TENM3: variants seen among roughly 807,000 people sequenced by gnomAD.
TENM3 encodes teneurin-3.
In TENM3, 63 loss-of-function variants were observed where a neutral mutation model predicts 255.1. The observed-to-expected ratio is 0.25, with a 90% CI of 0.20 to 0.30. The LOEUF is 0.30. Ranked by LOEUF, TENM3 falls within the 10% of genes least tolerant of loss-of-function variation. The probability of loss-of-function intolerance (pLI) is 1.00; values close to 1 mark genes in which losing one functional copy is unlikely to be tolerated. For synonymous variants in TENM3, 1,306 were observed against 1,322.3 expected (o/e 0.99, Z 0.27); for missense variants, 2,929 against 3,461.1 (o/e 0.85, Z 3.86).
chr4:182,035,034 TCA>T, the TENM3 span, among the ~76,000 whole-genome samples: 2 of 152,152 alleles, frequency 1.3e-5, no homozygotes, highest in Non-Finnish European at 2.9e-5. Flanking sequence ...AGTCTTAGGT[TCA>T]GTCTTTTACA....
the TENM3 span, among the ~76,000 whole-genome samples, chr4:181,937,003 G>A: frequency 4.7e-4 from 71 of 152,222 alleles, no homozygotes; most frequent in Non-Finnish European, 8.7e-4. Context: ...AACAAGTGGG[G>A]AGAATGCCAT....
the TENM3 span, among the ~76,000 whole-genome samples, chr4:181,467,763 T>C: frequency 6.6e-6 from 1 of 152,134 alleles, no homozygotes; most frequent in Non-Finnish European, 1.5e-5. Flanking sequence ...AGCATTGATA[T>C]ATATTTAAAA....
At chr4:182,571,530 A>C (rs1744368216) in intron 3 of TENM3, among the ~76,000 whole-genome samples, 1 of 152,082 alleles carries the variant, frequency 6.6e-6, no homozygotes. Context: ...TGCCCCACAC[A>C]TGCACACCCT....
chr4:182,011,536 C>T, the TENM3 span, among the ~76,000 whole-genome samples: 1 of 152,196 alleles, frequency 6.6e-6, no homozygotes, highest in South Asian at 2.1e-4. Context: ...GCCTACACTT[C>T]TTGATGACTC....
At chr4:182,167,718 A>G (rs1751813154) in intron 1 of TENM3, among the ~76,000 whole-genome samples, 1 of 152,012 alleles carries the variant, frequency 6.6e-6, no homozygotes. Context: ...ACAAAATACA[A>G]AAAAAACATT....
chr4:181,937,398 A>C, the TENM3 span, among the ~76,000 whole-genome samples: 6 of 152,202 alleles, frequency 3.9e-5, no homozygotes, highest in Non-Finnish European at 7.3e-5. Context: ...CTTCTGCAAG[A>C]AGATGATTCC....
the TENM3 span, among the ~76,000 whole-genome samples, chr4:182,045,187 C>T: frequency 1.3e-5 from 2 of 152,138 alleles, no homozygotes; most frequent in Non-Finnish European, 2.9e-5. Context: ...GCAGGGCCAT[C>T]TCTGAGCCTG....
At chr4:181,703,896 C>T in the TENM3 span, among the ~76,000 whole-genome samples, 1 of 151,972 alleles carries the variant, frequency 6.6e-6, no homozygotes, top group Admixed American at 6.5e-5. Context: ...AAAAATGACC[C>T]AATGGTTCAG....
At chr4:182,139,563 T>C (rs1450793391), upstream of TENM3, among the ~76,000 whole-genome samples, 1 of 152,182 alleles carries the variant, frequency 6.6e-6, no homozygotes, top group African/African-American at 2.4e-5. Flanking sequence ...CACTGAAAAG[T>C]TGTTTATAGA....
At chr4:182,788,471 T>C (rs1376551950) in intron 24 of TENM3, among the ~76,000 whole-genome samples, 2 of 152,186 alleles carry the variant, frequency 1.3e-5, no homozygotes, top group African/African-American at 4.8e-5. Context: ...ATTCGGATCA[T>C]GTGTATGTGT....
In TENM3 at chr4:182,323,958, G is replaced by A. The variant is rs1406340418; in HGVS notation, c.-63G>A. On this transcript the variant is annotated 5_prime_UTR_variant, in exon 2 of 28. Coordinates refer to ENST00000511685, the MANE Select transcript of TENM3 (RefSeq NM_001080477.4). The stretch of plus-strand genomic sequence containing the variant: ...TGTATCTTCACAGAGAGGCCAATGA[G>A]ACTTGAACCCTGAGCCTAAGTTGTC... 1.4e-6 allele frequency: 2 copies of A among 1,436,754 alleles called. No homozygotes were observed. Among genetic ancestry groups the A allele is most frequent in the African/African-American group, 2.8e-5 (2 of 71,370 alleles). 89.0% of individuals were successfully genotyped at this position (1,436,754 alleles called of 1,614,324 possible).
At chr4:182,404,095 T>C (rs974662463) in intron 3 of TENM3, among the ~76,000 whole-genome samples, 6 of 152,222 alleles carry the variant, frequency 3.9e-5, no homozygotes, top group African/African-American at 1.4e-4. Flanking sequence ...TGCTAATTCC[T>C]TTTTTCAATC....
chr4:181,499,553 G>A, the TENM3 span, among the ~76,000 whole-genome samples: 3 of 152,140 alleles, frequency 2.0e-5, no homozygotes. Context: ...GAGTGACTGT[G>A]AGCAACCTAT....
At chr4:181,780,506 G>A in the TENM3 span, among the ~76,000 whole-genome samples, 3 of 152,076 alleles carry the variant, frequency 2.0e-5, no homozygotes. Context: ...TTGTAAATTT[G>A]TTTGAGTTAT....
the TENM3 span, among the ~76,000 whole-genome samples, chr4:182,096,197 C>T: frequency 6.6e-6 from 1 of 151,582 alleles, no homozygotes; most frequent in African/African-American, 2.4e-5. Context: ...AGCTATCAAT[C>T]ACTGCAAGGG....
At chr4:181,730,823 T>C in the TENM3 span, among the ~76,000 whole-genome samples, 22 of 152,170 alleles carry the variant, frequency 1.4e-4, no homozygotes, top group African/African-American at 5.3e-4. Flanking sequence ...AGCTGTAAAA[T>C]TGAAGCTATG....
intron 2 of TENM3, among the ~76,000 whole-genome samples, chr4:182,325,457 A>G (rs1420620410): frequency 2.6e-5 from 4 of 152,238 alleles, no homozygotes; most frequent in African/African-American, 9.6e-5. Context: ...AATTACTGGT[A>G]TCAAATTTTA....
chr4:182,000,200 GAA>G, the TENM3 span, among the ~76,000 whole-genome samples: 1 of 152,124 alleles, frequency 6.6e-6, no homozygotes, highest in Non-Finnish European at 1.5e-5. Flanking sequence ...GCTGTTCAGT[GAA>G]ATATAATCCA....
chr4:181,567,366 A>C, the TENM3 span, among the ~76,000 whole-genome samples: 5 of 152,338 alleles, frequency 3.3e-5, no homozygotes, highest in African/African-American at 1.2e-4. Flanking sequence ...CAAATGTAGA[A>C]ACTTTATCTT....
Sources: allele counts gnomAD v4.1 joint callset (sites outside exome capture counted in the v4.1 genomes callset), GRCh38; gene constraint gnomAD v4.1.1; transcripts MANE v1.5; gene names NCBI Gene and HGNC (gene_info 2026-07-23, HGNC 2026-07-21).